Variants in REPS2 observed in about 807,000 individuals in gnomAD.
REPS2 encodes the protein ralBP1-associated Eps domain-containing protein 2.
In REPS2, 23 loss-of-function variants were observed where a neutral mutation model predicts 53.6. The observed-to-expected ratio is 0.43, with a 90% CI of 0.31 to 0.61. The LOEUF (loss-of-function observed/expected upper bound fraction) is 0.61. Among genes scored for constraint, REPS2 ranks in the 20% least tolerant of loss-of-function variants. The pLI is 0.11. For synonymous variants in REPS2, 238 were observed against 218.6 expected (o/e 1.09, Z -0.78); for missense variants, 446 against 534.9 (o/e 0.83, Z 1.64).
At chrX:17,070,090 G>A in intron 11 of REPS2, 97 bp downstream of exon 11, 2 of 391,937 alleles carry the variant, frequency 5.1e-6, no homozygotes, top group South Asian at 8.2e-5. Context: ...CTGTGATAGT[G>A]TGTCTGTTTC....
chrX:17,151,618 A>G lies in REPS2; in HGVS notation c.*4137A>G, dbSNP rs1213250847. ...ATGTGGTTTTAAAAATAAAAAGAAA[A>G]CAATATAACGTATCATGGCAACCAG... On this transcript the variant is annotated 3_prime_UTR_variant, in exon 18 of 18. Coordinates refer to ENST00000357277, the MANE Select transcript of REPS2 (RefSeq NM_004726.3). 8.9e-6 allele frequency: 1 copy of G among 112,561 alleles called. No homozygotes were observed. The highest frequency in any genetic ancestry group is 1.9e-5 in the Non-Finnish European group (1 of 53,259). The allele number at this position is 112,561 out of a possible 1,213,427, so 9.3% of individuals were successfully genotyped here. A position where few individuals can be genotyped will look rare whatever the true frequency, so the allele number is the denominator to read the frequency against.
chrX:17,173,671 A>G, the REPS2 span, among the ~76,000 whole-genome samples: 1 of 111,857 alleles, frequency 8.9e-6, no homozygotes, highest in Admixed American at 9.4e-5. Flanking sequence ...GAGCCACACT[A>G]TTTCTGCTTT....
the REPS2 span, among the ~76,000 whole-genome samples, chrX:17,172,708 C>G: frequency 9.0e-6 from 1 of 110,962 alleles, no homozygotes; most frequent in Non-Finnish European, 1.9e-5. Context: ...TTTATTTATT[C>G]TGTTTAATTA....
chrX:16,985,494 C>T (rs924119846), intron 1 of REPS2, among the ~76,000 whole-genome samples: 6 of 112,257 alleles, frequency 5.3e-5, no homozygotes, highest in Non-Finnish European at 9.4e-5. Flanking sequence ...CAATATCATG[C>T]TTCATTTACA....
In REPS2 at chrX:17,119,937, C is replaced by T. The variant is rs373162457; in HGVS notation, c.1579-13887C>T. Among the ~76,000 whole-genome samples the T allele has an allele frequency of 5.4e-5, 5 of 92,663 alleles. No homozygotes were observed. In the East Asian group the frequency reaches 1.0e-3, roughly 19 times the overall value. 80.5% of individuals were successfully genotyped at this position (92,663 alleles called of 115,157 possible). A position where few individuals can be genotyped will look rare whatever the true frequency, so the allele number is the denominator to read the frequency against. ...CGTTGCCCAGGCTAGAGTGCAGTGG[C>T]GCGATTCTGGCTCGCTGCAACCTCC... On this transcript the variant is annotated intron_variant, in intron 14 of 17. Transcript: ENST00000357277.
intron 8 of REPS2, among the ~76,000 whole-genome samples, chrX:17,055,189 G>T (rs1003682402): frequency 3.7e-4 from 29 of 77,404 alleles, no homozygotes; most frequent in African/African-American, 1.3e-3. Context: ...CCCACTTTTT[G>T]ATGGGGTTGT....
Position 17,147,592 on chromosome X carries a change from A to G in REPS2, c.*111A>G. On this transcript the variant is annotated 3_prime_UTR_variant, in exon 18 of 18. Coordinates refer to ENST00000357277, the MANE Select transcript of REPS2 (RefSeq NM_004726.3). The stretch of plus-strand genomic sequence containing the variant: ...ATGTTTGACTGTGTCAAAAGCTGTG[A>G]GCAGCAAAATATAATCCATATGACC... 1.8e-6 allele frequency: 1 copy of G among 561,857 alleles called. No individual in the cohort carries two copies. Among genetic ancestry groups the G allele is most frequent in the Non-Finnish European group, 2.8e-6 (1 of 351,272 alleles). The allele number at this position is 561,857 out of a possible 1,213,427, so 46.3% of individuals were successfully genotyped here.
At chrX:17,045,070 C>T (rs1375229102) in intron 5 of REPS2, among the ~76,000 whole-genome samples, 1 of 110,686 alleles carries the variant, frequency 9.0e-6, no homozygotes, top group African/African-American at 3.3e-5. Flanking sequence ...GCTGGGATTA[C>T]AGGCGCCTGC....
intron 5 of REPS2, among the ~76,000 whole-genome samples, chrX:17,036,729 CTGTG>C (rs969293018): frequency 1.3e-4 from 15 of 111,676 alleles, no homozygotes; most frequent in African/African-American, 4.9e-4. Flanking sequence ...AATGTCAACA[CTGTG>C]TGTGTGCGTT....
chrX:16,970,822 C>G (rs908354057), intron 1 of REPS2, among the ~76,000 whole-genome samples: 1 of 112,401 alleles, frequency 8.9e-6, no homozygotes, highest in Non-Finnish European at 1.9e-5. Flanking sequence ...TTAAATGTAG[C>G]ACGTATCAGC....
At chrX:16,947,496 C>T (rs1011425354) in intron 1 of REPS2, among the ~76,000 whole-genome samples, 3 of 111,806 alleles carry the variant, frequency 2.7e-5, no homozygotes, top group African/African-American at 9.8e-5. Context: ...AACCTCTGCT[C>T]GCTGCTCCTG....
chrX:16,983,007 T>C (rs2061037249), intron 1 of REPS2, among the ~76,000 whole-genome samples: 1 of 112,341 alleles, frequency 8.9e-6, no homozygotes, highest in African/African-American at 3.2e-5. Context: ...TTTTTGGTTA[T>C]CACACATGGG....
intron 1 of REPS2, among the ~76,000 whole-genome samples, chrX:16,974,505 A>T (rs1398214864): frequency 9.1e-6 from 1 of 110,367 alleles, no homozygotes; most frequent in East Asian, 2.8e-4. Flanking sequence ...AAACAAAAAA[A>T]ATTAGCCATG....
the REPS2 span, among the ~76,000 whole-genome samples, chrX:17,186,816 G>A: frequency 9.0e-6 from 1 of 110,796 alleles, no homozygotes; most frequent in South Asian, 3.9e-4. Context: ...CTTGTTCTGG[G>A]TGCTGACCTG....
intron 14 of REPS2, among the ~76,000 whole-genome samples, chrX:17,115,286 C>T (rs2063033928): frequency 8.9e-6 from 1 of 112,242 alleles, no homozygotes; most frequent in Non-Finnish European, 1.9e-5. Flanking sequence ...AAGGTCTCTG[C>T]ATCATAGACA....
intron 5 of REPS2, among the ~76,000 whole-genome samples, chrX:17,044,739 T>C (rs2061882315): frequency 9.0e-6 from 1 of 111,647 alleles, no homozygotes; most frequent in South Asian, 3.7e-4. Context: ...CATTATATCA[T>C]GGCCGGTAAT....
chrX:16,995,776 G>A (rs1363738277), intron 1 of REPS2, among the ~76,000 whole-genome samples: 1 of 111,722 alleles, frequency 9.0e-6, no homozygotes, highest in Admixed American at 9.5e-5. Flanking sequence ...GTTCGAAGCT[G>A]GCTGCTCCAG....
chrX:17,050,185 TC>T (rs2061972070), intron 6 of REPS2, among the ~76,000 whole-genome samples: 3 of 57,955 alleles, frequency 5.2e-5, no homozygotes, highest in African/African-American at 2.4e-4. Context: ...TTTCTTTCTT[TC>T]TTTCTTTCTT....
chrX:17,058,058 T>G (rs931815542), intron 8 of REPS2, among the ~76,000 whole-genome samples: 8 of 112,297 alleles, frequency 7.1e-5, no homozygotes, highest in African/African-American at 2.6e-4. Flanking sequence ...GTTTTATTGT[T>G]TTGATGCCAT....
Sources: allele counts gnomAD v4.1 joint callset (sites outside exome capture counted in the v4.1 genomes callset), GRCh38; gene constraint gnomAD v4.1.1; transcripts MANE v1.5; gene names NCBI Gene and HGNC (gene_info 2026-07-23, HGNC 2026-07-21).